The following AUH variants were observed in gnomAD, a reference collection of about 807,000 sequenced individuals.
The protein encoded by AUH is methylglutaconyl-CoA hydratase, mitochondrial.
AUH carries 29 observed loss-of-function variants against 42.3 expected under a neutral mutation model. The observed-to-expected ratio is 0.69, with a 90% CI of 0.51 to 0.93. The LOEUF (loss-of-function observed/expected upper bound fraction) is 0.93. Ranked by LOEUF, AUH falls within the 40% of genes least tolerant of loss-of-function variation. AUH has a pLI of 0.00. For synonymous variants in AUH, 174 were observed against 166.4 expected (o/e 1.05, Z -0.35); for missense variants, 452 against 438.1 (o/e 1.03, Z -0.28).
At chr9:91,273,736 G>A (rs1825338164) in intron 6 of AUH, among the ~76,000 whole-genome samples, 1 of 152,110 alleles carries the variant, frequency 6.6e-6, no homozygotes, top group African/African-American at 2.4e-5. Context: ...TTACACAGTG[G>A]CCCCCAAACC....
intron 6 of AUH, among the ~76,000 whole-genome samples, chr9:91,272,722 G>A (rs578131257): frequency 1.3e-5 from 2 of 152,018 alleles, no homozygotes; most frequent in African/African-American, 4.8e-5. Flanking sequence ...TGAAGGCTGG[G>A]GGTTTGTCTC....
chr9:91,339,639 T>A (rs78170474), intron 3 of AUH, among the ~76,000 whole-genome samples: 1 of 152,318 alleles, frequency 6.6e-6, no homozygotes, highest in East Asian at 1.9e-4. Context: ...AAGACACCCA[T>A]GTAACAGTGA....
chr9:91,281,375 GTTACTC>G (rs1825952002), intron 6 of AUH, among the ~76,000 whole-genome samples: 1 of 151,972 alleles, frequency 6.6e-6, no homozygotes, highest in Non-Finnish European at 1.5e-5. Flanking sequence ...ATTTGTTGGA[GTTACTC>G]TCCTGGAGTT....
rs4542055 is a variant in AUH at position 91,346,968 on chromosome 9, C to T, written c.418+8915G>A. Among the ~76,000 whole-genome samples, 938 of 152,160 alleles carry T rather than the reference C, an allele frequency of 6.2e-3. 2 individuals are homozygous for T. Among genetic ancestry groups the T allele is most frequent in the Middle Eastern group, 0.024 (7 of 290 alleles). ...AAGAGGGAGTACAGAGCTTCCATGC[C>T]CTCTTTAGGAGTGCCAACCTCCTAG... On this transcript the variant is annotated intron_variant, in intron 3 of 9. Coordinates refer to ENST00000375731, the MANE Select transcript of AUH (RefSeq NM_001698.3).
At chr9:91,257,001 T>C (rs1266851756) in intron 6 of AUH, among the ~76,000 whole-genome samples, 3 of 152,184 alleles carry the variant, frequency 2.0e-5, no homozygotes, top group Admixed American at 1.3e-4. Flanking sequence ...GGGTTATCTC[T>C]CGTGTTGTTC....
At chr9:91,232,769 G>A (rs967026369) in intron 6 of AUH, among the ~76,000 whole-genome samples, 7 of 152,240 alleles carry the variant, frequency 4.6e-5, no homozygotes, top group African/African-American at 1.4e-4. Flanking sequence ...TTCTGATTCA[G>A]TGAGTATGAG....
intron 6 of AUH, among the ~76,000 whole-genome samples, chr9:91,288,165 T>C (rs1826566726): frequency 6.6e-6 from 1 of 151,782 alleles, no homozygotes; most frequent in African/African-American, 2.4e-5. Context: ...AATAATAAGG[T>C]TTCCTGACAC....
Position 91,329,756 on chromosome 9 carries a change from T to C in AUH, c.419-4352A>G, listed in dbSNP as rs541835997. On this transcript the variant is annotated intron_variant, in intron 3 of 9. Coordinates refer to ENST00000375731, the MANE Select transcript of AUH (RefSeq NM_001698.3). ...TTTTGATTAAAATTAATCAAAATTA[T>C]AAATTTTTATCAGTTGTGCTTTTCT... Among the ~76,000 whole-genome samples, 20 of 152,288 alleles carry C rather than the reference T, an allele frequency of 1.3e-4. 1 individual carries two copies. The highest frequency in any genetic ancestry group is 4.8e-4 in the African/African-American group (20 of 41,584).
intron 7 of AUH, among the ~76,000 whole-genome samples, chr9:91,220,556 T>A (rs982267905): frequency 6.6e-6 from 1 of 152,160 alleles, no homozygotes; most frequent in African/African-American, 2.4e-5. Context: ...GTGACAAGCA[T>A]TGTCAAGGGA....
At chr9:91,263,211 T>C (rs565908071) in intron 6 of AUH, among the ~76,000 whole-genome samples, 1 of 152,346 alleles carries the variant, frequency 6.6e-6, no homozygotes, top group Admixed American at 6.5e-5. Context: ...CTCACTTCTA[T>C]ACCATGGTTT....
At chr9:91,351,201 G>A (rs1246069664) in intron 3 of AUH, among the ~76,000 whole-genome samples, 1 of 152,026 alleles carries the variant, frequency 6.6e-6, no homozygotes, top group Non-Finnish European at 1.5e-5. Context: ...GAACTCCTAG[G>A]CTCAAGCCAA....
chr9:91,262,686 G>C (rs1231926854), intron 6 of AUH, among the ~76,000 whole-genome samples: 1 of 151,758 alleles, frequency 6.6e-6, no homozygotes, highest in Non-Finnish European at 1.5e-5. Flanking sequence ...AGAAAACGAA[G>C]TCCCACAATT....
intron 4 of AUH, among the ~76,000 whole-genome samples, chr9:91,309,538 C>T (rs889781874): frequency 6.6e-6 from 1 of 152,090 alleles, no homozygotes; most frequent in Non-Finnish European, 1.5e-5. Flanking sequence ...AGGTCATTAT[C>T]CTTAGTGAAA....
At chr9:91,358,044 A>T (rs1294927240) in intron 1 of AUH, among the ~76,000 whole-genome samples, 1 of 152,250 alleles carries the variant, frequency 6.6e-6, no homozygotes, top group Non-Finnish European at 1.5e-5. Flanking sequence ...GAGTCCAATC[A>T]ACAGATAACA....
chr9:91,359,484 C>T (rs1832685726), intron 1 of AUH, among the ~76,000 whole-genome samples: 1 of 151,446 alleles, frequency 6.6e-6, no homozygotes, highest in Non-Finnish European at 1.5e-5. Flanking sequence ...TTTTAAGAGA[C>T]AAGGTCTTGT....
intron 6 of AUH, among the ~76,000 whole-genome samples, chr9:91,287,563 A>G (rs796641622): frequency 5.9e-5 from 9 of 152,310 alleles, no homozygotes; most frequent in African/African-American, 2.2e-4. Flanking sequence ...TAAAGCGTAC[A>G]TAAGAGTGAT....
chr9:91,328,185 T>G (rs757414099), intron 3 of AUH, among the ~76,000 whole-genome samples: 69 of 152,262 alleles, frequency 4.5e-4, no homozygotes, highest in African/African-American at 1.6e-3. Context: ...CTTGGGGACA[T>G]CACTCACTCC....
At chr9:91,302,002 T>C (rs1827821623) in intron 4 of AUH, among the ~76,000 whole-genome samples, 1 of 152,198 alleles carries the variant, frequency 6.6e-6, no homozygotes, top group South Asian at 2.1e-4. Context: ...ATATTAGTCA[T>C]TTTACAATAT....
chr9:91,315,536 AC>A (rs1829092020), intron 4 of AUH, among the ~76,000 whole-genome samples: 1 of 152,086 alleles, frequency 6.6e-6, no homozygotes. Flanking sequence ...GCAGGCTGTA[AC>A]CCTTTATGAG....
Sources: allele counts gnomAD v4.1 joint callset (sites outside exome capture counted in the v4.1 genomes callset), GRCh38; gene constraint gnomAD v4.1.1; transcripts MANE v1.5; gene names NCBI Gene and HGNC (gene_info 2026-07-23, HGNC 2026-07-21).